Variants in SIMC1 observed in about 807,000 individuals in gnomAD.
SIMC1 encodes the protein SUMO interacting motifs containing 1.
SIMC1 carries 55 observed loss-of-function variants against 82.3 expected under a neutral mutation model. The observed-to-expected ratio is 0.67, with a 90% confidence interval of 0.54 to 0.84. SIMC1 has a LOEUF of 0.84. Among genes scored for constraint, SIMC1 ranks in the 40% least tolerant of loss-of-function variants. The pLI is 0.00. For missense variants in SIMC1, 915 were observed against 1,107.2 expected, an observed-to-expected ratio of 0.83 and a Z score of 2.46; for synonymous variants, 353 against 426.3, an observed-to-expected ratio of 0.83 and a Z score of 2.12.
intron 9 of SIMC1, among the ~76,000 whole-genome samples, chr5:176,338,334 G>T (rs1344070584): frequency 6.6e-6 from 1 of 152,142 alleles, no homozygotes; most frequent in Non-Finnish European, 1.5e-5. Flanking sequence ...CAGGAGAAAA[G>T]AAGTCATAAA....
chr5:176,325,149 G>C (rs1765323326), intron 7 of SIMC1, among the ~76,000 whole-genome samples: 1 of 152,102 alleles, frequency 6.6e-6, no homozygotes, highest in Admixed American at 6.5e-5. Context: ...GGAGGACTAG[G>C]ACTAGGCGAG....
Position 176,290,700 on chromosome 5 carries a change from T to C in SIMC1, c.1176T>C (p.Ser392=), listed in dbSNP as rs145227654. 2,574 of 1,613,962 alleles carry C rather than the reference T, an allele frequency of 1.6e-3. 9 individuals are homozygous for C. The highest frequency in any genetic ancestry group is 1.4e-3 in the Non-Finnish European group (1,671 of 1,179,876). ...CTATGGATATCTCAGCTCTGTCCTCTCCAAGCTGCTCTCCCAGCCCACAGT... is the reference window on the plus strand; with the variant it reads ...CTATGGATATCTCAGCTCTGTCCTCCCCAAGCTGCTCTCCCAGCCCACAGT... ...DMPMDISALS[S]PSCSPSPQSE... The change falls in exon 2 of 10, where the codon TCT becomes TCC. Residue 392 remains serine, a synonymous_variant. Coordinates refer to ENST00000429602, the MANE Select transcript of SIMC1 (RefSeq NM_001308195.2).
In SIMC1 at chr5:176,295,242, G is replaced by T; in HGVS notation, c.1644G>T (p.Met548Ile). Residue 548 changes from methionine (M) to isoleucine (I), a missense_variant, in exon 3 of 10, where the codon ATG becomes ATT. Met to Ile is a conservative substitution (Grantham distance 10). Coordinates refer to ENST00000429602, the MANE Select transcript of SIMC1 (RefSeq NM_001308195.2). ...TGGATGTCCTAAAGGAGGCCTACAT[G>T]CTTCTCATGAAAATTCAACAGTATG... The part of the protein sequence containing the change: ...ETVDVLKEAY[M>I]LLMKIQQLHP... 1 of 1,612,790 alleles carries T rather than the reference G, an allele frequency of 6.2e-7. No individual in the cohort carries two copies. The highest frequency in any genetic ancestry group is 8.5e-7 in the Non-Finnish European group (1 of 1,179,296).
At chr5:176,271,978 T>C (rs935468167) in intron 1 of SIMC1, among the ~76,000 whole-genome samples, 4 of 144,884 alleles carry the variant, frequency 2.8e-5, no homozygotes, top group African/African-American at 5.0e-5. Flanking sequence ...GTATATATTA[T>C]ATATAACATA....
intron 5 of SIMC1, among the ~76,000 whole-genome samples, chr5:176,321,981 C>T (rs944197956): frequency 2.3e-4 from 34 of 149,790 alleles, no homozygotes; most frequent in African/African-American, 7.6e-4. Context: ...CCACCTCAGC[C>T]TCCCAAAGTG....
rs1314464778 is a variant in SIMC1 at position 176,289,453 on chromosome 5, A to T, written c.130-201A>T. Among the ~76,000 whole-genome samples the T allele has an allele frequency of 2.0e-5, 3 of 152,072 alleles. No homozygotes were observed. The East Asian group carries it at 5.8e-4, about 29-fold the overall frequency. ...TCCCACTGTGATCCTAGTCATGCGT[A>T]TGTGGCATTTGGAGAATTTAAGAAG... On this transcript the variant is annotated intron_variant, in intron 1 of 9. Coordinates refer to ENST00000429602, the MANE Select transcript of SIMC1 (RefSeq NM_001308195.2).
chr5:176,340,731 G>A (rs1040459397), intron 9 of SIMC1, among the ~76,000 whole-genome samples: 2 of 152,186 alleles, frequency 1.3e-5, no homozygotes, highest in East Asian at 1.9e-4. Context: ...GATCCTAAAT[G>A]AATAATGATA....
chr5:176,322,173 A>G (rs1765191484), intron 5 of SIMC1, 100 bp from the exon 6 acceptor site: 1 of 1,374,564 alleles, frequency 7.3e-7, no homozygotes, highest in Non-Finnish European at 9.7e-7. Context: ...AGTTCTGAGC[A>G]CCATAAATAC....
chr5:176,243,770 C>T (rs554064140), intron 1 of SIMC1, among the ~76,000 whole-genome samples: 3 of 152,206 alleles, frequency 2.0e-5, no homozygotes, highest in South Asian at 4.2e-4. Flanking sequence ...CCACCCGCCT[C>T]GGCCTCCCAA....
intron 4 of SIMC1, among the ~76,000 whole-genome samples, chr5:176,309,741 G>A (rs1248492092): frequency 6.6e-6 from 1 of 152,142 alleles, no homozygotes; most frequent in Non-Finnish European, 1.5e-5. Context: ...TTCCAGACCA[G>A]CCTGGCAACA....
intron 4 of SIMC1, among the ~76,000 whole-genome samples, chr5:176,303,539 C>T (rs923180824): frequency 5.3e-5 from 8 of 152,020 alleles, no homozygotes; most frequent in East Asian, 1.9e-4. Context: ...AGGCTGGTCT[C>T]GAACTCCCGA....
At chr5:176,275,756 T>C (rs1409605723) in intron 1 of SIMC1, among the ~76,000 whole-genome samples, 1 of 151,866 alleles carries the variant, frequency 6.6e-6, no homozygotes, top group Non-Finnish European at 1.5e-5. Context: ...TTGGTTCTGT[T>C]TATATGCTGG....
chr5:176,254,862 A>G (rs1348868455), intron 1 of SIMC1, among the ~76,000 whole-genome samples: 3 of 152,254 alleles, frequency 2.0e-5, no homozygotes, highest in Non-Finnish European at 4.4e-5. Flanking sequence ...TTTTAGAGGA[A>G]TCAAATAGGG....
intron 1 of SIMC1, among the ~76,000 whole-genome samples, chr5:176,288,113 T>C (rs1336514166): frequency 6.6e-6 from 1 of 152,106 alleles, no homozygotes; most frequent in East Asian, 1.9e-4. Flanking sequence ...TAGCCGGTGA[T>C]GGGTTTTAAA....
Position 176,290,522 on chromosome 5 carries a change from G to A in SIMC1, c.998G>A (p.Gly333Glu), listed in dbSNP as rs1474453939. 4 of 1,613,808 alleles carry A rather than the reference G, an allele frequency of 2.5e-6. No homozygotes were observed. The highest frequency in any genetic ancestry group is 2.7e-5 in the African/African-American group (2 of 74,892). ...TCACCAGATGCACCACAGTCACCAG[G>A]GGGCATGCCACACTTACCGGGAGAT... ...SPSPDAPQSP[G>E]GMPHLPGDVL... The change falls in exon 2 of 10, where the codon GGG becomes GAG. Residue 333 changes from glycine to glutamate, a missense_variant. By Grantham distance (98) the Gly-to-Glu change is moderately conservative (BLOSUM62 -2). This residue lies in a region of SIMC1 where 902 missense variants were observed against 1,040.3 expected (regional missense o/e 0.87). Coordinates refer to ENST00000429602, the MANE Select transcript of SIMC1 (RefSeq NM_001308195.2).
chr5:176,283,893 G>C (rs1328775484), intron 1 of SIMC1, among the ~76,000 whole-genome samples: 1 of 152,112 alleles, frequency 6.6e-6, no homozygotes, highest in East Asian at 1.9e-4. Flanking sequence ...TGATAAAACA[G>C]ACTTTAAAGC....
rs774204512 is a variant in SIMC1, at chr5:176,345,219, TA to T, written c.2452del (p.Ile818Ter). 3 of 1,613,950 alleles carry T rather than the reference TA, an allele frequency of 1.9e-6. No homozygotes were observed. Among genetic ancestry groups the T allele is most frequent in the Non-Finnish European group, 2.5e-6 (3 of 1,179,862 alleles). On this transcript the variant is annotated frameshift_variant, in exon 10 of 10. Coordinates refer to ENST00000429602, the MANE Select transcript of SIMC1 (RefSeq NM_001308195.2). LOFTEE classifies it high-confidence loss of function. Reference protein sequence around the residue: ...LRSSVIDRKDLIIKRIKPKPQ... With the variant: ...LRSSVIDRKDXIIKRIKPKPQ... Reference sequence around the variant, plus strand: ...AGTTCCGTGATCGACCGAAAGGACTTAATAATCAAAAGGATTAAGCCCAAAC... The same window carrying T: ...AGTTCCGTGATCGACCGAAAGGACTTATAATCAAAAGGATTAAGCCCAAAC...
At chr5:176,271,316 C>T (rs1581234309) in intron 1 of SIMC1, among the ~76,000 whole-genome samples, 1 of 152,044 alleles carries the variant, frequency 6.6e-6, no homozygotes, top group South Asian at 2.1e-4. Flanking sequence ...GCCAAGATCT[C>T]GCCACTGCGC....
At chr5:176,283,738 TAA>T (rs1763128154) in intron 1 of SIMC1, among the ~76,000 whole-genome samples, 1 of 152,120 alleles carries the variant, frequency 6.6e-6, no homozygotes. Flanking sequence ...GCAAATTGAA[TAA>T]AGAGTCAAGA....
Sources: allele counts gnomAD v4.1 joint callset (sites outside exome capture counted in the v4.1 genomes callset), GRCh38; gene constraint gnomAD v4.1.1; regional missense constraint gnomAD v4.1.1; transcripts MANE v1.5; gene names NCBI Gene and HGNC (gene_info 2026-07-23, HGNC 2026-07-21).